The following CCDC92 variants were observed in gnomAD, a reference collection of about 807,000 sequenced individuals.
CCDC92 encodes the protein coiled-coil domain-containing protein 92.
CCDC92 carries 12 observed loss-of-function variants against 24.9 expected under a neutral mutation model. The ratio of observed to expected loss-of-function variants is 0.48; its 90% CI spans 0.31 to 0.78. CCDC92 has a LOEUF of 0.78. Ranked by LOEUF, CCDC92 falls within the 30% of genes least tolerant of loss-of-function variation. CCDC92 has a pLI of 0.05. For synonymous variants in CCDC92, 193 were observed against 196.3 expected, an observed-to-expected ratio of 0.98 and a Z score of 0.14; for missense variants, 399 against 439.4, an observed-to-expected ratio of 0.91 and a Z score of 0.82.
At chr12:123,965,209 G>C (rs1465669853) in intron 1 of CCDC92, among the ~76,000 whole-genome samples, 1 of 152,154 alleles carries the variant, frequency 6.6e-6, no homozygotes, top group African/African-American at 2.4e-5. Flanking sequence ...ATACTGTTTG[G>C]AATGACGTGT....
intron 1 of CCDC92, among the ~76,000 whole-genome samples, chr12:123,953,358 G>GTAGATC (rs1956072865): frequency 6.6e-6 from 1 of 152,058 alleles, no homozygotes; most frequent in Admixed American, 6.6e-5. Flanking sequence ...TTAAAATAGT[G>GTAGATC]TAGATCTATA....
chr12:123,959,018 G>C (rs949757647), intron 1 of CCDC92, among the ~76,000 whole-genome samples: 2 of 152,182 alleles, frequency 1.3e-5, no homozygotes, highest in African/African-American at 4.8e-5. Context: ...TACTGGATCC[G>C]CGAGCTATAG....
At chr12:123,955,662 G>A (rs183058550) in intron 1 of CCDC92, among the ~76,000 whole-genome samples, 2 of 151,356 alleles carry the variant, frequency 1.3e-5, no homozygotes, top group African/African-American at 2.4e-5. Context: ...TTTTTTTGGT[G>A]GGGGGGAGAC....
intron 4 of CCDC92, among the ~76,000 whole-genome samples, chr12:123,939,374 T>C (rs919767526): frequency 1.3e-5 from 2 of 152,250 alleles, no homozygotes; most frequent in East Asian, 3.9e-4. Context: ...ACTGGTCTTG[T>C]GCAGGACACT....
intron 1 of CCDC92, among the ~76,000 whole-genome samples, chr12:123,947,024 C>T (rs980928569): frequency 3.9e-5 from 6 of 152,142 alleles, no homozygotes; most frequent in Non-Finnish European, 8.8e-5. Flanking sequence ...GTGGGCTTGG[C>T]GGGCCCCGCA....
intron 1 of CCDC92, chr12:123,961,272 CCTAT>C (rs1477024036): frequency 6.6e-6 from 1 of 152,130 alleles, no homozygotes; most frequent in Non-Finnish European, 1.5e-5. Flanking sequence ...ATTCCTGGTA[CCTAT>C]CTGTTGCCAG....
intron 1 of CCDC92, among the ~76,000 whole-genome samples, chr12:123,961,841 G>A (rs1331809775): frequency 6.6e-6 from 1 of 152,106 alleles, no homozygotes. Flanking sequence ...AAGCTTGGAG[G>A]GTTAAATGAC....
In CCDC92 at chr12:123,954,515, G is replaced by A. The variant is rs1956105010; in HGVS notation, c.-59-10151C>T. Among the ~76,000 whole-genome samples, 4 of 152,252 alleles carry A rather than the reference G, an allele frequency of 2.6e-5. No individual in the cohort carries two copies. In the South Asian group the frequency reaches 8.3e-4, roughly 31 times the overall value. ...ACGCAGCCTGTCTGGGAAGGCTGCA[G>A]TCACTGGAGGCCTACATGATGGACT... On this transcript the variant is annotated intron_variant, in intron 1 of 4. Transcript: ENST00000238156.
intron 1 of CCDC92, among the ~76,000 whole-genome samples, chr12:123,950,773 G>C (rs1390314404): frequency 6.6e-6 from 1 of 152,186 alleles, no homozygotes; most frequent in African/African-American, 2.4e-5. Context: ...ACCAAGGCCA[G>C]ACTTATCTTC....
chr12:123,956,478 G>T (rs1956153597), intron 1 of CCDC92: 1 of 152,178 alleles, frequency 6.6e-6, no homozygotes, highest in Non-Finnish European at 1.5e-5. Flanking sequence ...CTTACTGACG[G>T]CATTTATGAC....
intron 1 of CCDC92, chr12:123,946,397 C>T (rs1418160312): frequency 1.3e-5 from 2 of 152,552 alleles, no homozygotes. Flanking sequence ...GAACACTCTT[C>T]TTAGGCCTCT....
At chr12:123,972,381 C>A (rs1012403009) in intron 1 of CCDC92, 148 bp downstream of exon 1, 9 of 152,158 alleles carry the variant, frequency 5.9e-5, no homozygotes, top group African/African-American at 2.2e-4. Context: ...GACCCCGTCC[C>A]CCGTCTCCCG....
Position 123,940,305 on chromosome 12 carries a change from A to C in CCDC92, c.223+2439T>G, listed in dbSNP as rs1327288208. Among the ~76,000 whole-genome samples the C allele has an allele frequency of 2.6e-5, 4 of 152,160 alleles. No individual in the cohort carries two copies. The East Asian group carries it at 7.7e-4, about 29-fold the overall frequency. On this transcript the variant is annotated intron_variant, in intron 4 of 4. Transcript: ENST00000238156. ...AGAGGCCCAAATCTGGGGCTCATTA[A>C]GCATCACTCTGGTTCTTTTCGCCAC...
chr12:123,942,159 G>C (rs1009377888), intron 4 of CCDC92, among the ~76,000 whole-genome samples: 3 of 152,250 alleles, frequency 2.0e-5, no homozygotes, highest in African/African-American at 7.2e-5. Context: ...CTGGGTTTCT[G>C]TCTCTTCTCT....
rs767887732 is a variant in CCDC92 at position 123,935,850 on chromosome 12, C to T, written c.*1208G>A. ...AAGGTGTGTTTTCGATGATCCAGGT[C>T]TGTTTCAGCAGATGCTCCTTTTTGG... On this transcript the variant is annotated 3_prime_UTR_variant, in exon 5 of 5. Coordinates refer to ENST00000238156, the MANE Select transcript of CCDC92 (RefSeq NM_025140.3). 1 of 175,152 alleles carries T rather than the reference C, an allele frequency of 5.7e-6. No homozygotes were observed. The allele number at this position is 175,152 out of a possible 1,614,324, so 10.8% of individuals were successfully genotyped here. A position where few individuals can be genotyped will look rare whatever the true frequency, so the allele number is the denominator to read the frequency against.
intron 2 of CCDC92, 66 bp from the exon 3 acceptor site, chr12:123,943,559 G>A (rs1045827802): frequency 1.3e-5 from 20 of 1,581,750 alleles, no homozygotes; most frequent in Non-Finnish European, 1.7e-5. Context: ...GCCCTCCTTG[G>A]CTCTGGGTGC....
At chr12:123,947,352 G>A (rs1400329176) in intron 1 of CCDC92, among the ~76,000 whole-genome samples, 3 of 152,326 alleles carry the variant, frequency 2.0e-5, no homozygotes, top group Non-Finnish European at 2.9e-5. Context: ...GCAAACGTAC[G>A]GCGCGGGACT....
At chr12:123,942,086 A>G (rs1336106811) in intron 4 of CCDC92, among the ~76,000 whole-genome samples, 3 of 152,162 alleles carry the variant, frequency 2.0e-5, no homozygotes, top group African/African-American at 7.2e-5. Context: ...AGCACTTTCC[A>G]AACACCCACC....
At chr12:123,957,918 C>T (rs566772987) in intron 1 of CCDC92, among the ~76,000 whole-genome samples, 65 of 151,926 alleles carry the variant, frequency 4.3e-4, no homozygotes, top group South Asian at 1.0e-3. Flanking sequence ...TGGCTGGTCT[C>T]GAATTCCTGA....
Sources: allele counts gnomAD v4.1 joint callset (sites outside exome capture counted in the v4.1 genomes callset), GRCh38; gene constraint gnomAD v4.1.1; transcripts MANE v1.5; gene names NCBI Gene and HGNC (gene_info 2026-07-23, HGNC 2026-07-21).